COL5A2: variants seen among roughly 807,000 people sequenced by gnomAD.
The protein encoded by COL5A2 is collagen alpha-2(V) chain.
COL5A2 carries 23 observed loss-of-function variants against 208.2 expected under a neutral mutation model. The observed-to-expected ratio is 0.11, with a 90% CI of 0.08 to 0.16. COL5A2 has a LOEUF of 0.16. COL5A2 is among the 10% of genes least tolerant of loss of function. The pLI, the probability that COL5A2 is intolerant of heterozygous loss-of-function variation, is 1.00. For missense variants in COL5A2, 1,590 were observed against 1,956.4 expected, an observed-to-expected ratio of 0.81 and a Z score of 3.53; for synonymous variants, 625 against 628.5, an observed-to-expected ratio of 0.99 and a Z score of 0.08.
the COL5A2 span, among the ~76,000 whole-genome samples, chr2:189,278,249 C>A: frequency 9.9e-5 from 15 of 152,064 alleles, no homozygotes; most frequent in African/African-American, 3.4e-4. Flanking sequence ...AAATATTTCA[C>A]CCTCATTGGA....
intron 1 of COL5A2, among the ~76,000 whole-genome samples, chr2:189,187,538 AG>A (rs1204975441): frequency 2.0e-5 from 3 of 152,220 alleles, no homozygotes; most frequent in Non-Finnish European, 2.9e-5. Flanking sequence ...AATTGTTGTA[AG>A]TATTAAATGA....
At chr2:189,179,384 C>T (rs1688740835) in intron 1 of COL5A2, 124 bp downstream of exon 1, 7 of 1,079,152 alleles carry the variant, frequency 6.5e-6, no homozygotes, top group South Asian at 1.4e-5. Flanking sequence ...GGTGCAAATC[C>T]GTCAGCCCCC....
intron 49 of COL5A2, 74 bp from the exon 50 acceptor site, chr2:189,041,767 C>A (rs1269993469): frequency 1.7e-5 from 16 of 930,120 alleles, no homozygotes; most frequent in Non-Finnish European, 1.8e-6. Context: ...AATCAAAGAA[C>A]TATTTTACAT....
chr2:189,307,488 GCA>G, the COL5A2 span, among the ~76,000 whole-genome samples: 1 of 152,116 alleles, frequency 6.6e-6, no homozygotes, highest in African/African-American at 2.4e-5. Flanking sequence ...TCCTACCACT[GCA>G]CATTTTTAAA....
chr2:189,130,891 A>G (rs935546659), intron 1 of COL5A2, among the ~76,000 whole-genome samples: 1 of 152,118 alleles, frequency 6.6e-6, no homozygotes, highest in Non-Finnish European at 1.5e-5. Flanking sequence ...CACCATATCA[A>G]TGTTAGAAAT....
intron 1 of COL5A2, among the ~76,000 whole-genome samples, chr2:189,190,484 A>T (rs1053283344): frequency 6.6e-6 from 1 of 151,418 alleles, no homozygotes; most frequent in Non-Finnish European, 1.5e-5. Context: ...AATTTACTTT[A>T]AAAATAATTT....
the COL5A2 span, among the ~76,000 whole-genome samples, chr2:189,260,513 G>A: frequency 1.3e-5 from 2 of 152,148 alleles, no homozygotes; most frequent in Non-Finnish European, 2.9e-5. Context: ...CCTGGCTCTT[G>A]AAAGCTCAAT....
chr2:189,324,454 C>T, the COL5A2 span, among the ~76,000 whole-genome samples: 5,538 of 152,080 alleles, frequency 0.036, 117 homozygotes, highest in Admixed American at 0.05. Context: ...ACAAAGAACT[C>T]AAACAAATTT....
intron 1 of COL5A2, among the ~76,000 whole-genome samples, chr2:189,193,522 T>G (rs1444046330): frequency 6.6e-6 from 1 of 152,228 alleles, no homozygotes; most frequent in Non-Finnish European, 1.5e-5. Flanking sequence ...ATCCTAAGTC[T>G]TTGTTCTGAA....
At chr2:189,407,240 A>G in the COL5A2 span, among the ~76,000 whole-genome samples, 1 of 152,152 alleles carries the variant, frequency 6.6e-6, no homozygotes, top group Non-Finnish European at 1.5e-5. Flanking sequence ...CTATTTAGTT[A>G]AAAAGGTAAA....
the COL5A2 span, among the ~76,000 whole-genome samples, chr2:189,303,422 AGGCCCCCCAAAACTGTTCCTG>A: frequency 2.0e-5 from 3 of 152,100 alleles, no homozygotes; most frequent in East Asian, 5.8e-4. Context: ...CCACCTCTAT[AGGCCCCCCAAAACTGTTCCTG>A]GGTATTCACC....
the COL5A2 span, among the ~76,000 whole-genome samples, chr2:189,376,746 C>T: frequency 6.6e-6 from 1 of 151,964 alleles, no homozygotes; most frequent in Non-Finnish European, 1.5e-5. Context: ...AATATTTTAC[C>T]TTTCCCTTGG....
At chr2:189,091,941 G>A (rs1189247615) in intron 7 of COL5A2, among the ~76,000 whole-genome samples, 1 of 152,136 alleles carries the variant, frequency 6.6e-6, no homozygotes, top group Non-Finnish European at 1.5e-5. Flanking sequence ...CTCTTGTGGA[G>A]GATACGGAGC....
At chr2:189,319,421 C>T in the COL5A2 span, among the ~76,000 whole-genome samples, 1 of 152,244 alleles carries the variant, frequency 6.6e-6, no homozygotes. Context: ...CATAGCCAAG[C>T]AAAGCTGTGA....
At chr2:189,438,351 T>G in the COL5A2 span, among the ~76,000 whole-genome samples, 3 of 152,354 alleles carry the variant, frequency 2.0e-5, no homozygotes, top group African/African-American at 7.2e-5. Context: ...TTGAGCAATC[T>G]CATTTGCTGG....
In COL5A2 at chr2:189,099,940, T is replaced by A. The variant is rs73051216; in HGVS notation, c.369+167A>T. Among the ~76,000 whole-genome samples the A allele has an allele frequency of 3.8e-3, 576 of 152,340 alleles. 4 individuals are homozygous for A. The highest frequency in any genetic ancestry group is 0.013 in the African/African-American group (546 of 41,584). On this transcript the variant is annotated intron_variant, in intron 4 of 53. Coordinates refer to ENST00000374866, the MANE Select transcript of COL5A2 (RefSeq NM_000393.5). ...GTCAGGAACACAGAATATCAAATAT[T>A]GTATTAAATAACTAATCTGTTCTGG...
the COL5A2 span, among the ~76,000 whole-genome samples, chr2:189,251,496 G>C: frequency 2.6e-5 from 4 of 152,098 alleles, no homozygotes; most frequent in Non-Finnish European, 5.9e-5. Flanking sequence ...ATCGTGATGG[G>C]TTATTTCCTA....
chr2:189,158,388 C>T (rs1038838178), intron 1 of COL5A2, among the ~76,000 whole-genome samples: 3 of 151,940 alleles, frequency 2.0e-5, no homozygotes, highest in Admixed American at 6.6e-5. Context: ...TACCAATAGA[C>T]CATAGCCATC....
chr2:189,336,064 A>G, the COL5A2 span, among the ~76,000 whole-genome samples: 1 of 152,186 alleles, frequency 6.6e-6, no homozygotes, highest in East Asian at 1.9e-4. Context: ...AAGACAAAAA[A>G]TTAAAAATGG....
Sources: allele counts gnomAD v4.1 joint callset (sites outside exome capture counted in the v4.1 genomes callset), GRCh38; gene constraint gnomAD v4.1.1; transcripts MANE v1.5; gene names NCBI Gene and HGNC (gene_info 2026-07-23, HGNC 2026-07-21).